Variants in TGFA observed in about 807,000 individuals in gnomAD.
TGFA encodes transforming growth factor alpha.
In TGFA, 12 loss-of-function variants were observed where a neutral mutation model predicts 21.7. The ratio of observed to expected loss-of-function variants is 0.55; its 90% CI spans 0.35 to 0.90. TGFA has a LOEUF of 0.90. Ranked by LOEUF, TGFA falls within the 40% of genes least tolerant of loss-of-function variation. The pLI is 0.01. For missense variants in TGFA, 178 were observed against 210.8 expected (o/e 0.84, Z 0.96); for synonymous variants, 79 against 88.1 (o/e 0.90, Z 0.58).
chr2:70,518,072 C>G (rs782279805), intron 1 of TGFA, among the ~76,000 whole-genome samples: 1 of 152,210 alleles, frequency 6.6e-6, no homozygotes, highest in African/African-American at 2.4e-5. Context: ...CCACAGGCAC[C>G]GCAGCCACAT....
intron 1 of TGFA, among the ~76,000 whole-genome samples, chr2:70,525,735 A>G (rs781896245): frequency 7.2e-5 from 11 of 152,084 alleles, no homozygotes; most frequent in Non-Finnish European, 1.2e-4. Context: ...TTTCACTGGG[A>G]GACCTTGACC....
In TGFA at chr2:70,530,438, T is replaced by C. The variant is rs572290419; in HGVS notation, c.41-15526A>G. On this transcript the variant is annotated intron_variant, in intron 1 of 5. Coordinates refer to ENST00000295400, the MANE Select transcript of TGFA (RefSeq NM_003236.4). Reference sequence around the variant, plus strand: ...AATCTTTTGGCTTCTCTGGGCCACATTGGAAGAAGAAGAATAAGAACACAC... The same window carrying C: ...AATCTTTTGGCTTCTCTGGGCCACACTGGAAGAAGAAGAATAAGAACACAC... Among the ~76,000 whole-genome samples, 5 of 152,274 alleles carry C rather than the reference T, an allele frequency of 3.3e-5. No homozygotes were observed. In the East Asian group the frequency reaches 7.7e-4, roughly 23 times the overall value.
Position 70,458,903 on chromosome 2 carries a change from T to G in TGFA, c.216-2415A>C, listed in dbSNP as rs550244211. ...TCTACAGAAACCTCCGGTGAACCAC[T>G]GAACAGAATGGGGCCGGGGAGCCTG... On this transcript the variant is annotated intron_variant, in intron 3 of 5. Coordinates refer to ENST00000295400, the MANE Select transcript of TGFA (RefSeq NM_003236.4). 2.2e-4 allele frequency among the ~76,000 whole-genome samples: 34 copies of G among 152,314 alleles called. No individual in the cohort carries two copies. In the South Asian group the frequency reaches 7.0e-3, roughly 32 times the overall value.
intron 1 of TGFA, among the ~76,000 whole-genome samples, chr2:70,540,312 A>G (rs765859660): frequency 2.0e-5 from 3 of 152,204 alleles, no homozygotes; most frequent in Non-Finnish European, 4.4e-5. Context: ...TCCAACTCAT[A>G]AGAGTGGTTC....
At chr2:70,525,920 C>G (rs782477448) in intron 1 of TGFA, among the ~76,000 whole-genome samples, 1 of 152,174 alleles carries the variant, frequency 6.6e-6, no homozygotes, top group Non-Finnish European at 1.5e-5. Context: ...TGCACAGAAC[C>G]TTGTCTTGCT....
intron 2 of TGFA, among the ~76,000 whole-genome samples, chr2:70,480,797 C>T (rs542622251): frequency 1.4e-5 from 2 of 147,330 alleles, no homozygotes; most frequent in South Asian, 2.3e-4. Flanking sequence ...GGATAATATC[C>T]CCCAGAGCTG....
chr2:70,481,497 C>G (rs149643922), intron 2 of TGFA, among the ~76,000 whole-genome samples: 67 of 152,306 alleles, frequency 4.4e-4, no homozygotes, highest in African/African-American at 1.6e-3. Context: ...TTTCCCATTT[C>G]TATAGTCAGC....
At chr2:70,552,998 C>G (rs1249593416) in intron 1 of TGFA, among the ~76,000 whole-genome samples, 1 of 152,258 alleles carries the variant, frequency 6.6e-6, no homozygotes, top group Non-Finnish European at 1.5e-5. Context: ...GCAGACCCGA[C>G]CCGGGAGAGG....
intron 2 of TGFA, among the ~76,000 whole-genome samples, chr2:70,470,847 T>A (rs1474310655): frequency 1.3e-5 from 2 of 152,100 alleles, no homozygotes; most frequent in African/African-American, 4.8e-5. Flanking sequence ...GAAGGTTGTT[T>A]ATTAAAAAAA....
chr2:70,547,524 C>A (rs1283558532), intron 1 of TGFA, among the ~76,000 whole-genome samples: 3 of 139,450 alleles, frequency 2.2e-5, no homozygotes, highest in African/African-American at 8.1e-5. Context: ...GCCTGGGCAA[C>A]AGAGCGAGCC....
chr2:70,520,327 C>T (rs571815903), intron 1 of TGFA, among the ~76,000 whole-genome samples: 129 of 152,030 alleles, frequency 8.5e-4, no homozygotes, highest in African/African-American at 2.6e-3. Context: ...TTTAAATAGT[C>T]AAAATTGTGA....
chr2:70,448,856 T>C lies in TGFA; in HGVS notation c.*2003A>G, dbSNP rs1216761503. On this transcript the variant is annotated 3_prime_UTR_variant, in exon 6 of 6. Transcript: ENST00000295400. ...ACATTCACAGACACTAAATCTCAAG[T>C]CTTCGCAGGGAACCTCTGCTTCCGC... is the stretch of plus-strand genomic sequence containing the variant. 1 of 152,240 alleles carries C rather than the reference T, an allele frequency of 6.6e-6. No individual in the cohort carries two copies. Among genetic ancestry groups the C allele is most frequent in the Non-Finnish European group, 1.5e-5 (1 of 68,072 alleles). The allele number at this position is 152,240 out of a possible 1,614,324, so 9.4% of individuals were successfully genotyped here. A position where few individuals can be genotyped will look rare whatever the true frequency, so the allele number is the denominator to read the frequency against.
intron 2 of TGFA, among the ~76,000 whole-genome samples, chr2:70,508,768 G>A (rs1388846397): frequency 6.6e-6 from 1 of 152,142 alleles, no homozygotes; most frequent in Non-Finnish European, 1.5e-5. Context: ...CTGCAACTCA[G>A]TTTGAAAAGA....
At chr2:70,518,365 G>A (rs945692235) in intron 1 of TGFA, among the ~76,000 whole-genome samples, 1 of 152,238 alleles carries the variant, frequency 6.6e-6, no homozygotes, top group South Asian at 2.1e-4. Flanking sequence ...ATGAAAGGCT[G>A]ATCCTGTGTC....
intron 1 of TGFA, among the ~76,000 whole-genome samples, chr2:70,522,119 C>T: frequency 6.6e-6 from 1 of 152,214 alleles, no homozygotes; most frequent in Non-Finnish European, 1.5e-5. Context: ...CGGTCAGGAG[C>T]TGTGGCTAAA....
chr2:70,479,605 A>C lies in TGFA; in HGVS notation c.95-13869T>G, dbSNP rs144144256. Among the ~76,000 whole-genome samples, 1,180 of 151,938 alleles carry C rather than the reference A, an allele frequency of 7.8e-3. 16 individuals are homozygous for C. Among genetic ancestry groups the C allele is most frequent in the African/African-American group, 0.027 (1,131 of 41,432 alleles). ...CTTAGTTTTCTTTTTTCCTTTTGGA[A>C]TTATCTGTATATTGGATCACCGGGT... is the stretch of plus-strand genomic sequence containing the variant. On this transcript the variant is annotated intron_variant, in intron 2 of 5. Coordinates refer to ENST00000295400, the MANE Select transcript of TGFA (RefSeq NM_003236.4).
intron 1 of TGFA, among the ~76,000 whole-genome samples, chr2:70,519,125 G>A (rs1283101565): frequency 1.3e-5 from 2 of 152,130 alleles, no homozygotes; most frequent in African/African-American, 4.8e-5. Context: ...TGTGCTAGAG[G>A]GCAGGGCAGA....
chr2:70,449,666 A>AGCT lies in TGFA; in HGVS notation c.*1192_*1193insAGC. 1 of 210,674 alleles carries AGCT rather than the reference A, an allele frequency of 4.7e-6. No homozygotes were observed. The highest frequency in any genetic ancestry group is 5.4e-5 in the Admixed American group (1 of 18,544). The allele number at this position is 210,674 out of a possible 1,614,324, so 13.1% of individuals were successfully genotyped here. A position where few individuals can be genotyped will look rare whatever the true frequency, so the allele number is the denominator to read the frequency against. On this transcript the variant is annotated 3_prime_UTR_variant, in exon 6 of 6. Coordinates refer to ENST00000295400, the MANE Select transcript of TGFA (RefSeq NM_003236.4). Reference sequence around the variant, plus strand: ...AAAAAATTACTGGAATAGTTTTCCTAGTGCTCGAAAATAAATAGCAAAGTT... The same window carrying AGCT: ...AAAAAATTACTGGAATAGTTTTCCTAGCTGTGCTCGAAAATAAATAGCAAAGTT...
At chr2:70,486,909 G>A (rs1192262522) in intron 2 of TGFA, among the ~76,000 whole-genome samples, 1 of 152,038 alleles carries the variant, frequency 6.6e-6, no homozygotes, top group Non-Finnish European at 1.5e-5. Context: ...GACTACAGAA[G>A]CCCGCCACCA....
Sources: allele counts gnomAD v4.1 joint callset (sites outside exome capture counted in the v4.1 genomes callset), GRCh38; gene constraint gnomAD v4.1.1; transcripts MANE v1.5; gene names NCBI Gene and HGNC (gene_info 2026-07-23, HGNC 2026-07-21).